RABL3: variants seen among roughly 807,000 people sequenced by gnomAD.
RABL3 encodes the protein rab-like protein 3.
RABL3 carries 31 observed loss-of-function variants against 31.8 expected under a neutral mutation model. The observed-to-expected ratio is 0.97, with a 90% confidence interval of 0.73 to 1.31. The LOEUF (loss-of-function observed/expected upper bound fraction) is 1.31. RABL3 is among the 40% of genes most tolerant of loss of function. RABL3 has a pLI of 0.00. For missense variants in RABL3, 263 were observed against 279.6 expected (o/e 0.94, Z 0.42); for synonymous variants, 97 against 99.9 (o/e 0.97, Z 0.18).
Position 120,687,007 on chromosome 3 carries a change from T to C in RABL3, c.*2816A>G, listed in dbSNP as rs1416301188. ...GGGGAGAAGGGGTAAGGGGAAGGTA[T>C]GAGAAACCTTGCTTCTGCAGTTTTC... On this transcript the variant is annotated 3_prime_UTR_variant, in exon 8 of 8. Coordinates refer to ENST00000273375, the MANE Select transcript of RABL3 (RefSeq NM_173825.5). 6.6e-6 allele frequency: 1 copy of C among 152,154 alleles called. No individual in the cohort carries two copies. The highest frequency in any genetic ancestry group is 1.5e-5 in the Non-Finnish European group (1 of 68,030). 9.4% of individuals were successfully genotyped at this position (152,154 alleles called of 1,614,324 possible).
Position 120,690,448 on chromosome 3 carries a change from C to A in RABL3, c.645+1G>T. The A allele has an allele frequency of 6.3e-7, 1 of 1,576,252 alleles. No homozygotes were observed. Among genetic ancestry groups the A allele is most frequent in the Middle Eastern group, 1.7e-4 (1 of 5,910 alleles). On this transcript the variant is annotated splice_donor_variant, in intron 7 of 7. Coordinates refer to ENST00000273375, the MANE Select transcript of RABL3 (RefSeq NM_173825.5). LOFTEE classifies it high-confidence loss of function. ...ATTTTATCAAGAAAAGAGATACCAACCTGATTACCTTCTCTTAAAAAGTAT... is the reference window on the plus strand; with the variant it reads ...ATTTTATCAAGAAAAGAGATACCAAACTGATTACCTTCTCTTAAAAAGTAT...
chr3:120,723,953 A>C (rs1201483387), intron 2 of RABL3, among the ~76,000 whole-genome samples: 2 of 152,084 alleles, frequency 1.3e-5, no homozygotes, highest in Non-Finnish European at 2.9e-5. Flanking sequence ...GGCCAGGGCA[A>C]TCAGGCAGGA....
chr3:120,712,660 CTCT>C (rs1415850409), intron 2 of RABL3, among the ~76,000 whole-genome samples: 1 of 152,134 alleles, frequency 6.6e-6, no homozygotes, highest in African/African-American at 2.4e-5. Flanking sequence ...CTACTGATAT[CTCT>C]TCTTCTAGAC....
chr3:120,737,776 G>A (rs1310558190), intron 1 of RABL3, among the ~76,000 whole-genome samples: 1 of 152,226 alleles, frequency 6.6e-6, no homozygotes, highest in Non-Finnish European at 1.5e-5. Context: ...GTTGGATTTT[G>A]ATGGAGGTCC....
chr3:120,723,831 C>T (rs1186976693), intron 2 of RABL3, among the ~76,000 whole-genome samples: 3 of 152,052 alleles, frequency 2.0e-5, no homozygotes, highest in Admixed American at 6.6e-5. Flanking sequence ...GACAAACCCA[C>T]AGCCAATATC....
intron 4 of RABL3, among the ~76,000 whole-genome samples, chr3:120,701,970 T>C (rs2107579001): frequency 6.6e-6 from 1 of 152,310 alleles, no homozygotes; most frequent in South Asian, 2.1e-4. Flanking sequence ...ACCATTGAAT[T>C]AGCAGTTTCC....
intron 1 of RABL3, among the ~76,000 whole-genome samples, chr3:120,732,911 C>T (rs937601148): frequency 2.0e-5 from 3 of 152,128 alleles, no homozygotes; most frequent in African/African-American, 7.2e-5. Flanking sequence ...TTTATGGCTG[C>T]ATAGTATTCC....
Position 120,688,515 on chromosome 3 carries a change from T to C in RABL3, c.*1308A>G, listed in dbSNP as rs1337341376. 6.6e-6 allele frequency: 1 copy of C among 152,240 alleles called. No individual in the cohort carries two copies. The highest frequency in any genetic ancestry group is 1.5e-5 in the Non-Finnish European group (1 of 68,042). 9.4% of individuals were successfully genotyped at this position (152,240 alleles called of 1,614,324 possible). A position where few individuals can be genotyped will look rare whatever the true frequency, so the allele number is the denominator to read the frequency against. On this transcript the variant is annotated 3_prime_UTR_variant, in exon 8 of 8. Transcript: ENST00000273375. ...CAGCATACCTTGATTTCCAAGATACTTCTGAAACCTAATTAAAATGGAACA... is the reference window on the plus strand; with the variant it reads ...CAGCATACCTTGATTTCCAAGATACCTCTGAAACCTAATTAAAATGGAACA...
chr3:120,700,065 CAT>C (rs960866076), intron 4 of RABL3, among the ~76,000 whole-genome samples: 1 of 152,156 alleles, frequency 6.6e-6, no homozygotes, highest in Non-Finnish European at 1.5e-5. Flanking sequence ...ATAAAGCATA[CAT>C]ATATAGTTTG....
intron 6 of RABL3, among the ~76,000 whole-genome samples, 191 bp from the exon 7 acceptor site, chr3:120,690,678 G>C (rs1363796928): frequency 2.0e-5 from 3 of 152,106 alleles, no homozygotes. Flanking sequence ...TTCCATAAAA[G>C]CCTGCCTCAT....
chr3:120,695,500 A>C (rs891792854), intron 5 of RABL3, among the ~76,000 whole-genome samples: 1 of 152,186 alleles, frequency 6.6e-6, no homozygotes, highest in African/African-American at 2.4e-5. Context: ...GAAAAATTAA[A>C]TAATCCATAC....
chr3:120,740,338 T>C (rs555850064), intron 1 of RABL3, among the ~76,000 whole-genome samples: 1 of 152,208 alleles, frequency 6.6e-6, no homozygotes, highest in Non-Finnish European at 1.5e-5. Context: ...CCTAGCTCAC[T>C]GCAGCCTCAA....
intron 6 of RABL3, 73 bp downstream of exon 6, chr3:120,694,080 G>C (rs1165432501): frequency 2.2e-6 from 2 of 916,326 alleles, no homozygotes; most frequent in African/African-American, 1.7e-5. Context: ...AAGGTCATAG[G>C]ATTCTACAAA....
At chr3:120,706,302 T>C (rs1047786653) in intron 3 of RABL3, among the ~76,000 whole-genome samples, 188 bp from the exon 4 acceptor site, 2 of 152,162 alleles carry the variant, frequency 1.3e-5, no homozygotes, top group African/African-American at 2.4e-5. Flanking sequence ...GCCATAAACC[T>C]TTCTCTGTCA....
At chr3:120,692,879 G>A (rs1283929074) in intron 6 of RABL3, among the ~76,000 whole-genome samples, 5 of 152,156 alleles carry the variant, frequency 3.3e-5, no homozygotes, top group Non-Finnish European at 4.4e-5. Flanking sequence ...GGTCAGGGCA[G>A]ATCTATAAGA....
intron 1 of RABL3, among the ~76,000 whole-genome samples, chr3:120,735,233 G>T (rs1447673325): frequency 1.3e-5 from 2 of 152,244 alleles, no homozygotes; most frequent in Non-Finnish European, 2.9e-5. Context: ...CCTGTTATTG[G>T]TCTATTCAGA....
chr3:120,694,239 A>G lies in RABL3; in HGVS notation c.535-15T>C, dbSNP rs376012603. 1.6e-5 allele frequency: 25 copies of G among 1,584,562 alleles called. No homozygotes were observed. The highest frequency in any genetic ancestry group is 2.1e-5 in the Non-Finnish European group (24 of 1,158,330). On this transcript the variant is annotated splice_polypyrimidine_tract_variant and intron_variant, in intron 5 of 7. Transcript: ENST00000273375. ...TTTGTGCAGTCCTAGAAGATAAAAC[A>G]TAAGATCCACAATTGAAAGTTAGGA...
chr3:120,687,327 T>C lies in RABL3; in HGVS notation c.*2496A>G, dbSNP rs1003557855. ...ATGGAGTCCCACTCTGTCATCAGGCTGCTGGAAGGCAGTGGTGCAATCATG... is the reference window on the plus strand; with the variant it reads ...ATGGAGTCCCACTCTGTCATCAGGCCGCTGGAAGGCAGTGGTGCAATCATG... On this transcript the variant is annotated 3_prime_UTR_variant, in exon 8 of 8. Transcript: ENST00000273375. 4 of 152,238 alleles carry C rather than the reference T, an allele frequency of 2.6e-5. No individual in the cohort carries two copies. The highest frequency in any genetic ancestry group is 2.6e-4 in the Admixed American group (4 of 15,288). 9.4% of individuals were successfully genotyped at this position (152,238 alleles called of 1,614,324 possible).
intron 2 of RABL3, among the ~76,000 whole-genome samples, chr3:120,715,968 T>C (rs1708663802): frequency 6.6e-6 from 1 of 152,166 alleles, no homozygotes. Context: ...AATGAATTAG[T>C]ATGTAAATGG....
Sources: allele counts gnomAD v4.1 joint callset (sites outside exome capture counted in the v4.1 genomes callset), GRCh38; gene constraint gnomAD v4.1.1; transcripts MANE v1.5; gene names NCBI Gene and HGNC (gene_info 2026-07-23, HGNC 2026-07-21).